Variants in LSM14B observed in about 807,000 individuals in gnomAD.
LSM14B encodes the protein protein LSM14 homolog B.
In LSM14B, 8 loss-of-function variants were observed where a neutral mutation model predicts 42.1. That is an observed-to-expected ratio of 0.19 (90% CI 0.11 to 0.34). LSM14B has a LOEUF of 0.34. Ranked by LOEUF, LSM14B falls within the 10% of genes least tolerant of loss-of-function variation. The pLI, the probability that LSM14B is intolerant of heterozygous loss-of-function variation, is 1.00. For missense variants in LSM14B, 396 were observed against 513.1 expected (o/e 0.77, Z 2.21); for synonymous variants, 219 against 209.7 (o/e 1.04, Z -0.38).
rs776834785 is a variant in LSM14B, at chr20:62,133,283, G to C, written c.987-7G>C. On this transcript the variant is annotated splice_region_variant and splice_polypyrimidine_tract_variant and intron_variant, in intron 7 of 8. Transcript: ENST00000279068. Reference sequence around the variant, plus strand: ...CTGCTACAATCAGCATTTCCTCTGTGGTTTAGCTCCAGGCGGACGACGTGG... The same window carrying C: ...CTGCTACAATCAGCATTTCCTCTGTCGTTTAGCTCCAGGCGGACGACGTGG... The C allele has an allele frequency of 1.9e-6, 3 of 1,612,902 alleles. No individual in the cohort carries two copies. The highest frequency in any genetic ancestry group is 2.5e-6 in the Non-Finnish European group (3 of 1,179,446).
chr20:62,132,894 C>A (rs2056806065), intron 7 of LSM14B, among the ~76,000 whole-genome samples: 1 of 152,140 alleles, frequency 6.6e-6, no homozygotes, highest in African/African-American at 2.4e-5. Flanking sequence ...GGAACTTGTT[C>A]CATCTATCCT....
Position 62,134,620 on chromosome 20 carries a change from A to G in LSM14B, c.*472A>G. ...ACCCCACTGCCAAGGGTGGGGTCTCAGGAGTCAGGCAGGGCCAGCACAGGG... is the reference window on the plus strand; with the variant it reads ...ACCCCACTGCCAAGGGTGGGGTCTCGGGAGTCAGGCAGGGCCAGCACAGGG... On this transcript the variant is annotated 3_prime_UTR_variant, in exon 9 of 9. Coordinates refer to ENST00000279068, the MANE Select transcript of LSM14B (RefSeq NM_144703.3). The G allele has an allele frequency of 7.2e-6, 1 of 138,200 alleles. No homozygotes were observed. Among genetic ancestry groups the G allele is most frequent in the Non-Finnish European group, 1.3e-5 (1 of 77,730 alleles). 8.6% of individuals were successfully genotyped at this position (138,200 alleles called of 1,614,324 possible). A position where few individuals can be genotyped will look rare whatever the true frequency, so the allele number is the denominator to read the frequency against.
In LSM14B at chr20:62,122,931, C is replaced by A; in HGVS notation, c.127+138C>A. 1 of 747,212 alleles carries A rather than the reference C, an allele frequency of 1.3e-6. No homozygotes were observed. The highest frequency in any genetic ancestry group is 1.8e-6 in the Non-Finnish European group (1 of 560,522). 46.3% of individuals were successfully genotyped at this position (747,212 alleles called of 1,614,324 possible). Reference sequence around the variant, plus strand: ...GAACCCACCCAGGGCACACCCGGCCCGAGATCCCCTGCCCGCGCCTTCACC... The same window carrying A: ...GAACCCACCCAGGGCACACCCGGCCAGAGATCCCCTGCCCGCGCCTTCACC... On this transcript the variant is annotated intron_variant, in intron 1 of 8. Coordinates refer to ENST00000279068, the MANE Select transcript of LSM14B (RefSeq NM_144703.3). The surrounding 1 kb of genome is among the most constrained non-coding windows in gnomAD (Gnocchi z 4.6).
At position 62,133,423 on chromosome 20, in the gene LSM14B, A is replaced by G; in HGVS notation, c.1120A>G (p.Asn374Asp). Residue 374 changes from asparagine to aspartate, a missense_variant, in exon 8 of 9, where the codon AAC becomes GAC. Around this residue, in one of 3 missense-constraint regions of LSM14B, gnomAD observed 118 missense variants for 156.4 expected, o/e 0.75. Coordinates refer to ENST00000279068, the MANE Select transcript of LSM14B (RefSeq NM_144703.3). ...CAGGGGCAATGGGACCACCCGTCGC[A>G]ACCCCACTTCCCACAGGGCCGGGAC... ...GGRGNGTTRR[N>D]PTSHRAGTGR... is the part of the protein sequence containing the mutation. 1 of 1,613,214 alleles carries G rather than the reference A, an allele frequency of 6.2e-7. No individual in the cohort carries two copies. The highest frequency in any genetic ancestry group is 2.2e-5 in the East Asian group (1 of 44,844).
At chr20:62,129,726 G>T in intron 3 of LSM14B, 59 bp from the exon 4 acceptor site, 2 of 1,490,700 alleles carry the variant, frequency 1.3e-6, no homozygotes, top group Non-Finnish European at 1.8e-6. Context: ...AATGCCTGGA[G>T]ATATAAGGCT....
chr20:62,131,700 C>T (rs917928902), intron 7 of LSM14B, among the ~76,000 whole-genome samples, 194 bp downstream of exon 7: 7 of 152,136 alleles, frequency 4.6e-5, no homozygotes, highest in South Asian at 2.1e-4. Context: ...GATCCCGACC[C>T]GAGGAGTTGG....
At chr20:62,134,069 G>A in intron 8 of LSM14B, 94 bp from the exon 9 acceptor site, 1 of 372,532 alleles carries the variant, frequency 2.7e-6, no homozygotes, top group Non-Finnish European at 5.4e-6. Flanking sequence ...TGACTCTGGG[G>A]GCAGGAGGGA....
chr20:62,130,133 A>C lies in LSM14B; in HGVS notation c.596-86A>C, dbSNP rs181790714. On this transcript the variant is annotated intron_variant, in intron 4 of 8. Coordinates refer to ENST00000279068, the MANE Select transcript of LSM14B (RefSeq NM_144703.3). This position sits in a 1 kb window ranked among gnomAD's most constrained non-coding sequence, Gnocchi z 4.1. Reference sequence around the variant, plus strand: ...CGGTGCCGCCCTGGCCGCGTGCCCCATGGTGGTGGGGCCTGCTTCCACAGC... The same window carrying C: ...CGGTGCCGCCCTGGCCGCGTGCCCCCTGGTGGTGGGGCCTGCTTCCACAGC... 1.2e-4 allele frequency: 178 copies of C among 1,522,816 alleles called. 3 individuals are homozygous for C. The East Asian group carries it at 2.6e-3, about 22-fold the overall frequency. 94.3% of individuals were successfully genotyped at this position (1,522,816 alleles called of 1,614,324 possible).
At position 62,126,327 on chromosome 20, in the gene LSM14B, C is replaced by T; in HGVS notation, c.315C>T (p.Ala105=). 2 of 1,613,900 alleles carry T rather than the reference C, an allele frequency of 1.2e-6. No homozygotes were observed. The highest frequency in any genetic ancestry group is 2.2e-5 in the East Asian group (1 of 44,894). The change falls in exon 3 of 9, where the codon GCC becomes GCT. Residue 105 remains alanine (A), a synonymous_variant. Transcript: ENST00000279068. ...AGTCTTCCCTGGGTTCTGCCTCCGC[C>T]TCGCCCTTCCAGCCGCACGTGCCTT... ...IVQSSLGSAS[A]SPFQPHVPYS...
In LSM14B at chr20:62,124,745, C is replaced by G. The variant is rs1021135502; in HGVS notation, c.256C>G (p.Gln86Glu). The G allele has an allele frequency of 1.2e-6, 2 of 1,613,632 alleles. No individual in the cohort carries two copies. The highest frequency in any genetic ancestry group is 1.7e-5 in the Admixed American group (1 of 59,980). ...CACTGTGTGTGAACCTCCGAAAGCT[C>G]AGCACACACTCCCGCAGGATCCCGC... Reference protein sequence around the residue: ...DITVCEPPKAQHTLPQDPAIV... With the variant: ...DITVCEPPKAEHTLPQDPAIV... The change falls in exon 2 of 9, where the codon CAG becomes GAG. Residue 86 changes from glutamine to glutamate, a missense_variant. Transcript: ENST00000279068.
intron 7 of LSM14B, among the ~76,000 whole-genome samples, chr20:62,131,866 A>G (rs4925347): frequency 6.6e-6 from 1 of 152,098 alleles, no homozygotes; most frequent in Non-Finnish European, 1.5e-5. Context: ...GTCCTTGCTT[A>G]GCAGCCTGAG....
chr20:62,123,929 T>C (rs1385783956), intron 1 of LSM14B, among the ~76,000 whole-genome samples: 1 of 152,056 alleles, frequency 6.6e-6, no homozygotes, highest in African/African-American at 2.4e-5. Flanking sequence ...AGGCCCAGAG[T>C]AGGCCCAGGA....
chr20:62,133,255 T>C, intron 7 of LSM14B, 35 bp from the exon 8 acceptor site: 1 of 1,607,394 alleles, frequency 6.2e-7, no homozygotes, highest in Non-Finnish European at 8.5e-7. Context: ...TGGGAGTCAG[T>C]GCCTGCTACA....
chr20:62,132,947 TCAGGTCTCCTGGGCCCCTGGGCCTCCC>T (rs1477631538), intron 7 of LSM14B, among the ~76,000 whole-genome samples: 2 of 152,200 alleles, frequency 1.3e-5, no homozygotes, highest in Non-Finnish European at 2.9e-5. Flanking sequence ...TGGTCCGGTC[TCAGGTCTCCTGGGCCCCTGGGCCTCCC>T]CAGGGCTCCT....
rs572500796 is a variant in LSM14B, at chr20:62,134,149, G to T, written c.*15-14G>T. ...TATCCCAGCAGATGCTTGACTTCCTGTCATCTCTTGCAGGCTCCTACTGAA... is the reference window on the plus strand; with the variant it reads ...TATCCCAGCAGATGCTTGACTTCCTTTCATCTCTTGCAGGCTCCTACTGAA... On this transcript the variant is annotated splice_polypyrimidine_tract_variant and intron_variant, in intron 8 of 8. Coordinates refer to ENST00000279068, the MANE Select transcript of LSM14B (RefSeq NM_144703.3). The T allele has an allele frequency of 6.7e-6, 3 of 447,004 alleles. No homozygotes were observed. The East Asian group carries it at 2.1e-4, about 32-fold the overall frequency. The allele number at this position is 447,004 out of a possible 1,614,324, so 27.7% of individuals were successfully genotyped here. A position where few individuals can be genotyped will look rare whatever the true frequency, so the allele number is the denominator to read the frequency against.
At chr20:62,131,653 G>C in intron 7 of LSM14B, 147 bp downstream of exon 7, 1 of 1,051,888 alleles carries the variant, frequency 9.5e-7, no homozygotes, top group Non-Finnish European at 1.4e-6. Context: ...GATGGGTGCC[G>C]GAGTCCCAGC....
chr20:62,122,813 C>A lies in LSM14B; in HGVS notation c.127+20C>A, dbSNP rs374825244. On this transcript the variant is annotated intron_variant, in intron 1 of 8. Transcript: ENST00000279068. This position sits in a 1 kb window ranked among gnomAD's most constrained non-coding sequence, Gnocchi z 4.6. ...CCAAAGGTAGCGGCCGCCGCCCGCCCGAGCCCGCTGACCCCCGTCCGCCAA... is the reference window on the plus strand; with the variant it reads ...CCAAAGGTAGCGGCCGCCGCCCGCCAGAGCCCGCTGACCCCCGTCCGCCAA... 2.5e-4 allele frequency: 376 copies of A among 1,480,820 alleles called. No individual in the cohort carries two copies. In the African/African-American group the frequency reaches 4.7e-3, roughly 19 times the overall value. 91.7% of individuals were successfully genotyped at this position (1,480,820 alleles called of 1,614,324 possible).
rs923144762 is a variant in LSM14B, at chr20:62,130,766, G to A, written c.835+75G>A. On this transcript the variant is annotated intron_variant, in intron 6 of 8. Coordinates refer to ENST00000279068, the MANE Select transcript of LSM14B (RefSeq NM_144703.3). The surrounding 1 kb of genome is among the most constrained non-coding windows in gnomAD (Gnocchi z 4.1). ...GAGTGTTAGGAGGAGATGCCTGGCC[G>A]GGTGTGGTGGTTCACGCCTGTAATC... 3.1e-5 allele frequency: 46 copies of A among 1,476,432 alleles called. No homozygotes were observed. The Admixed American group carries it at 7.3e-4, about 23-fold the overall frequency. The allele number at this position is 1,476,432 out of a possible 1,614,324, so 91.5% of individuals were successfully genotyped here.
rs1436788453 is a variant in LSM14B at position 62,135,031 on chromosome 20, A to G, written c.*883A>G. On this transcript the variant is annotated 3_prime_UTR_variant, in exon 9 of 9. Coordinates refer to ENST00000279068, the MANE Select transcript of LSM14B (RefSeq NM_144703.3). ...GTCTTTTCTGCAAGGTCAGTTGACC[A>G]AGAGCATATTTCCCCTCTGTTGTAC... The G allele has an allele frequency of 6.6e-6, 1 of 152,234 alleles. No homozygotes were observed. Among genetic ancestry groups the G allele is most frequent in the Non-Finnish European group, 1.5e-5 (1 of 68,060 alleles). The allele number at this position is 152,234 out of a possible 1,614,324, so 9.4% of individuals were successfully genotyped here.
Sources: allele counts gnomAD v4.1 joint callset (sites outside exome capture counted in the v4.1 genomes callset), GRCh38; gene constraint gnomAD v4.1.1; regional missense constraint gnomAD v4.1.1; non-coding constraint Gnocchi (gnomAD v3.1); transcripts MANE v1.5; gene names NCBI Gene and HGNC (gene_info 2026-07-23, HGNC 2026-07-21).